The following VWA2 variants were observed in gnomAD, a reference collection of about 807,000 sequenced individuals.
VWA2 encodes von Willebrand factor A domain-containing protein 2.
VWA2 carries 73 observed loss-of-function variants against 70.4 expected under a neutral mutation model. The observed-to-expected ratio is 1.04, with a 90% CI of 0.86 to 1.26. VWA2 has a LOEUF of 1.26. VWA2 is among the 50% of genes most tolerant of loss of function. The pLI is 0.00. For missense variants in VWA2, 1,011 were observed against 998.5 expected (o/e 1.01, Z -0.17); for synonymous variants, 407 against 423.3 (o/e 0.96, Z 0.47).
intron 5 of VWA2, 137 bp from the exon 6 acceptor site, chr10:114,272,603 T>C: frequency 5.4e-6 from 4 of 740,712 alleles, no homozygotes; most frequent in Non-Finnish European, 8.6e-6. Flanking sequence ...ATGGTAGAAC[T>C]ATCACTTTCA....
chr10:114,269,103 G>C (rs1327345083), intron 5 of VWA2, among the ~76,000 whole-genome samples: 1 of 152,232 alleles, frequency 6.6e-6, no homozygotes, highest in Non-Finnish European at 1.5e-5. Context: ...TTTTCTTGTG[G>C]TAACCCTTAA....
At chr10:114,289,633 A>G (rs1186768738) in intron 12 of VWA2, 144 bp downstream of exon 12, 4 of 873,030 alleles carry the variant, frequency 4.6e-6, no homozygotes, top group African/African-American at 1.7e-5. Context: ...GCTAAACCCC[A>G]TGCTCACATA....
intron 6 of VWA2, 89 bp from the exon 7 acceptor site, chr10:114,277,825 C>G (rs2037882595): frequency 6.8e-7 from 1 of 1,463,788 alleles, no homozygotes; most frequent in South Asian, 1.4e-5. Flanking sequence ...ATCTGTGCTG[C>G]CATCCACAAG....
intron 4 of VWA2, among the ~76,000 whole-genome samples, chr10:114,255,960 C>T (rs910039140): frequency 6.6e-6 from 1 of 152,186 alleles, no homozygotes; most frequent in African/African-American, 2.4e-5. Context: ...AATTTGGTGA[C>T]ATGCTTCATT....
chr10:114,249,370 C>T (rs1682842674), intron 2 of VWA2, among the ~76,000 whole-genome samples: 2 of 152,206 alleles, frequency 1.3e-5, no homozygotes, highest in African/African-American at 4.8e-5. Flanking sequence ...ATTCTCCAGC[C>T]TCAGCCTCTT....
chr10:114,267,066 G>GA (rs1257256802), intron 5 of VWA2, among the ~76,000 whole-genome samples: 6 of 151,456 alleles, frequency 4.0e-5, no homozygotes, highest in Non-Finnish European at 7.4e-5. Context: ...TCTATTGCTG[G>GA]AAAAAAAAGC....
intron 4 of VWA2, among the ~76,000 whole-genome samples, chr10:114,257,666 C>A (rs1358198768): frequency 1.3e-5 from 2 of 152,144 alleles, no homozygotes; most frequent in Non-Finnish European, 2.9e-5. Flanking sequence ...CAGCAAATGG[C>A]CAGCAGTGTG....
At chr10:114,273,089 G>T (rs1026892518) in intron 6 of VWA2, among the ~76,000 whole-genome samples, 155 bp downstream of exon 6, 3 of 152,162 alleles carry the variant, frequency 2.0e-5, no homozygotes, top group Admixed American at 2.0e-4. Flanking sequence ...CCAGTGCACA[G>T]GAAGCTCCAA....
chr10:114,244,292 G>T (rs1564710734), intron 1 of VWA2, among the ~76,000 whole-genome samples: 1 of 152,192 alleles, frequency 6.6e-6, no homozygotes, highest in Non-Finnish European at 1.5e-5. Flanking sequence ...GTTTTCTGGA[G>T]CCTGGACTTC....
At position 114,289,279 on chromosome 10, in the gene VWA2, G is replaced by A. The variant is rs766858511; in HGVS notation, c.1912G>A (p.Val638Met). The A allele has an allele frequency of 6.2e-7, 1 of 1,614,092 alleles. No homozygotes were observed. The highest frequency in any genetic ancestry group is 1.3e-5 in the African/African-American group (1 of 74,934). Residue 638 changes from valine to methionine, a missense_variant, in exon 12 of 14, where the codon GTG becomes ATG. Coordinates refer to ENST00000392982, the MANE Select transcript of VWA2 (RefSeq NM_001272046.2). ...GCCTGGTGTCCCCAAAGCTGTGGTG[G>A]TGCTCACAGGCGGGAGAGGCGCAGA... ...ARPGVPKAVV[V>M]LTGGRGAEDA...
chr10:114,239,587 G>T lies in VWA2; in HGVS notation c.-11+18G>T, dbSNP rs2036938220. The T allele has an allele frequency of 6.6e-6, 1 of 152,278 alleles. No homozygotes were observed. The allele number at this position is 152,278 out of a possible 1,614,324, so 9.4% of individuals were successfully genotyped here. On this transcript the variant is annotated intron_variant, in intron 1 of 13. Coordinates refer to ENST00000392982, the MANE Select transcript of VWA2 (RefSeq NM_001272046.2). ...TCCTTCCGGTGAGTCCCAGCCCCGA[G>T]TTGGCTCTGGCGCCCGGGTACCCGC...
intron 4 of VWA2, among the ~76,000 whole-genome samples, chr10:114,260,648 C>T (rs185036024): frequency 6.6e-6 from 1 of 152,250 alleles, no homozygotes; most frequent in East Asian, 1.9e-4. Flanking sequence ...TATAACTGGG[C>T]CTTAGGGAAG....
At position 114,286,458 on chromosome 10, in the gene VWA2, TGTTCAA is replaced by T; in HGVS notation, c.1518_1523del (p.Phe507_Asn508del). On this transcript the variant is annotated inframe_deletion, in exon 11 of 14. Transcript: ENST00000392982. ...ATGGTCTACTCGGATCCTCAGGATC[TGTTCAA>T]CCAAATCCCTGAGCTGCAGGGGAAG... The T allele has an allele frequency of 6.2e-7, 1 of 1,606,524 alleles. No homozygotes were observed. Among genetic ancestry groups the T allele is most frequent in the Non-Finnish European group, 8.5e-7 (1 of 1,175,242 alleles).
chr10:114,263,151 GAC>G, intron 5 of VWA2, among the ~76,000 whole-genome samples: 1 of 152,142 alleles, frequency 6.6e-6, no homozygotes, highest in South Asian at 2.1e-4. Flanking sequence ...AAGTAGCTGG[GAC>G]TGCAGGCATG....
At chr10:114,248,786 G>A (rs1453502853) in intron 2 of VWA2, 21 bp downstream of exon 2, 1 of 1,611,516 alleles carries the variant, frequency 6.2e-7, no homozygotes, top group South Asian at 1.1e-5. Flanking sequence ...TTTATTGGTG[G>A]TGGGGAAGTA....
chr10:114,278,678 C>A, intron 7 of VWA2, 41 bp from the exon 8 acceptor site: 1 of 1,607,550 alleles, frequency 6.2e-7, no homozygotes. Flanking sequence ...GAGGTGGAAC[C>A]CTGTCTCCTC....
At chr10:114,254,648 C>T (rs1036859835) in intron 3 of VWA2, among the ~76,000 whole-genome samples, 4 of 152,158 alleles carry the variant, frequency 2.6e-5, no homozygotes, top group African/African-American at 7.2e-5. Flanking sequence ...CCCAGTAGAC[C>T]CCCTCATAGA....
At chr10:114,291,088 TG>T in intron 13 of VWA2, 129 bp from the exon 14 acceptor site, 1 of 1,058,868 alleles carries the variant, frequency 9.4e-7, no homozygotes, top group Non-Finnish European at 1.4e-6. Flanking sequence ...GTCTCTAATC[TG>T]GCATCTTCTG....
intron 2 of VWA2, 119 bp downstream of exon 2, chr10:114,248,884 C>A: frequency 1.1e-6 from 1 of 921,974 alleles, no homozygotes; most frequent in South Asian, 1.3e-5. Flanking sequence ...CATCTCCCCT[C>A]CATGGCCACC....
Sources: allele counts gnomAD v4.1 joint callset (sites outside exome capture counted in the v4.1 genomes callset), GRCh38; gene constraint gnomAD v4.1.1; transcripts MANE v1.5; gene names NCBI Gene and HGNC (gene_info 2026-07-23, HGNC 2026-07-21).